NECTIN2: variants seen among roughly 807,000 people sequenced by gnomAD.
The protein encoded by NECTIN2 is nectin-2.
A neutral mutation model predicts 56.9 loss-of-function variants in NECTIN2; 23 were observed. That is an observed-to-expected ratio of 0.40 (90% confidence interval 0.29 to 0.57). The LOEUF (loss-of-function observed/expected upper bound fraction) is 0.57, where lower values mean the gene tolerates loss of function less well. Ranked by LOEUF, NECTIN2 falls within the 20% of genes least tolerant of loss-of-function variation. The pLI is 0.38. For missense variants in NECTIN2, 587 were observed against 718.3 expected (o/e 0.82, Z 2.09); for synonymous variants, 302 against 313.8 (o/e 0.96, Z 0.40).
In NECTIN2 at chr19:44,883,065, GCCA is replaced by G. The variant is rs557185854; in HGVS notation, c.1196+705_1196+707del. Among the ~76,000 whole-genome samples the G allele has an allele frequency of 5.6e-3, 850 of 152,272 alleles. 30 individuals are homozygous for G. Among genetic ancestry groups the G allele is most frequent in the Admixed American group, 0.049 (746 of 15,288 alleles). On this transcript the variant is annotated intron_variant, in intron 6 of 8. Transcript: ENST00000252483. Reference sequence around the variant, plus strand: ...AAAAGTGCTGGGATTACAGGCGTGAGCCACCATGGCTGGCCAGTTGTTAATAAA... The same window carrying G: ...AAAAGTGCTGGGATTACAGGCGTGAGCCATGGCTGGCCAGTTGTTAATAAA...
chr19:44,878,491 T>TGAG (rs558397688), intron 5 of NECTIN2: 180 of 1,611,154 alleles, frequency 1.1e-4, no homozygotes, highest in Admixed American at 4.9e-4. Flanking sequence ...ATGGCAAGGA[T>TGAG]GAGGAGGAGG....
In NECTIN2 at chr19:44,874,738, C is replaced by G; in HGVS notation, c.1042+260C>G. 2.1e-6 allele frequency: 1 copy of G among 477,612 alleles called. No homozygotes were observed. Among genetic ancestry groups the G allele is most frequent in the Non-Finnish European group, 3.8e-6 (1 of 259,990 alleles). The allele number at this position is 477,612 out of a possible 1,614,324, so 29.6% of individuals were successfully genotyped here. On this transcript the variant is annotated intron_variant, in intron 5 of 8. Transcript: ENST00000252483. The surrounding 1 kb of genome is among the most constrained non-coding windows in gnomAD (Gnocchi z 6.3). Reference sequence around the variant, plus strand: ...CTCGGGGTTCCTAGAAAGTAGAGGCCTGGGTAGGGTCCTCACGAATAGACC... The same window carrying G: ...CTCGGGGTTCCTAGAAAGTAGAGGCGTGGGTAGGGTCCTCACGAATAGACC...
At position 44,865,370 on chromosome 19, in the gene NECTIN2, T is replaced by C; in HGVS notation, c.188T>C (p.Leu63Pro). The change falls in exon 2 of 9, where the codon CTG becomes CCG. Residue 63 changes from leucine to proline, a missense_variant. Leu to Pro is a moderately conservative substitution (Grantham distance 98). Coordinates refer to ENST00000252483, the MANE Select transcript of NECTIN2 (RefSeq NM_001042724.2). This position sits in a 1 kb window ranked among gnomAD's most constrained non-coding sequence, Gnocchi z 5.2. The stretch of plus-strand genomic sequence containing the variant: ...CACCTGCTGCCACCTGTTCCTGGAC[T>C]GTACATCTCCCTGGTGACCTGGCAG... ...PCHLLPPVPG[L>P]YISLVTWQRP... 1 of 1,614,182 alleles carries C rather than the reference T, an allele frequency of 6.2e-7. No homozygotes were observed. Among genetic ancestry groups the C allele is most frequent in the Non-Finnish European group, 8.5e-7 (1 of 1,180,042 alleles).
At chr19:44,864,883 C>G (rs1969079032) in intron 1 of NECTIN2, among the ~76,000 whole-genome samples, 1 of 151,990 alleles carries the variant, frequency 6.6e-6, no homozygotes, top group African/African-American at 2.4e-5. Context: ...CCTAGACCCA[C>G]TTGACAATGG....
chr19:44,846,751 C>T (rs1429080198), intron 1 of NECTIN2, 138 bp downstream of exon 1: 1 of 983,682 alleles, frequency 1.0e-6, no homozygotes, highest in South Asian at 1.7e-5. Flanking sequence ...CTGGCTGGCC[C>T]CACAGACTCC....
intron 1 of NECTIN2, among the ~76,000 whole-genome samples, chr19:44,857,598 C>T (rs187098526): frequency 1.3e-5 from 2 of 152,156 alleles, no homozygotes; most frequent in African/African-American, 2.4e-5. Flanking sequence ...GATGGGATTT[C>T]GCCATGCTGG....
Position 44,880,216 on chromosome 19 carries a change from C to T in NECTIN2, c.1043-1995C>T, listed in dbSNP as rs902659017. 2.7e-5 allele frequency among the ~76,000 whole-genome samples: 4 copies of T among 146,890 alleles called. No homozygotes were observed. The South Asian group carries it at 7.2e-4, about 26-fold the overall frequency. ...CACCCGGACAACCGGAGGGCAGGGG[C>T]GGGGAATTGGGTCCGCCTGGCACAC... On this transcript the variant is annotated intron_variant, in intron 5 of 8. Transcript: ENST00000252483.
intron 1 of NECTIN2, among the ~76,000 whole-genome samples, chr19:44,857,631 A>C (rs1968980949): frequency 6.6e-6 from 1 of 150,452 alleles, no homozygotes. Context: ...CGAACTCCTG[A>C]CCTCAGGTGA....
intron 3 of NECTIN2, 120 bp downstream of exon 3, chr19:44,872,269 CT>C: frequency 9.7e-7 from 1 of 1,036,052 alleles, no homozygotes; most frequent in Non-Finnish European, 1.4e-6. Flanking sequence ...AAATTCTGCA[CT>C]ACCTTCCTGC....
At position 44,876,426 on chromosome 19, in the gene NECTIN2, C is replaced by T. The variant is rs113442933; in HGVS notation, c.1042+1948C>T. ...CGCTGTGGAAAGACACCCCCACCTA[C>T]CCACGACAGTGGCCACAGGGCCACC... On this transcript the variant is annotated intron_variant, in intron 5 of 8. Coordinates refer to ENST00000252483, the MANE Select transcript of NECTIN2 (RefSeq NM_001042724.2). 1.8e-3 allele frequency among the ~76,000 whole-genome samples: 273 copies of T among 152,294 alleles called. 1 individual carries two copies. Among genetic ancestry groups the T allele is most frequent in the African/African-American group, 6.3e-3 (262 of 41,540 alleles).
chr19:44,869,936 ACT>A (rs1969152896), intron 2 of NECTIN2, among the ~76,000 whole-genome samples: 2 of 151,956 alleles, frequency 1.3e-5, no homozygotes, highest in East Asian at 1.9e-4. Flanking sequence ...TGACAGCAAG[ACT>A]CTGTCTCAAA....
In NECTIN2 at chr19:44,863,054, C is replaced by T. The variant is rs960622841; in HGVS notation, c.89-2217C>T. Among the ~76,000 whole-genome samples, 46 of 150,750 alleles carry T rather than the reference C, an allele frequency of 3.1e-4. 1 individual carries two copies. Among genetic ancestry groups the T allele is most frequent in the African/African-American group, 1.1e-3 (46 of 40,902 alleles). ...GTGTGCGCCTGTAATCCCAGCTACT[C>T]GGGAGGCTGAGGCAGGAGAATTGCT... On this transcript the variant is annotated intron_variant, in intron 1 of 8. Transcript: ENST00000252483.
At chr19:44,882,690 CAAAAAAAAAA>C (rs35741405) in intron 6 of NECTIN2, among the ~76,000 whole-genome samples, 17 of 38,316 alleles carry the variant, frequency 4.4e-4, no homozygotes, top group Non-Finnish European at 7.7e-4. Flanking sequence ...CCCCCATCTA[CAAAAAAAAAA>C]AAAAAAAAAA....
At chr19:44,885,592 G>A (rs1051085339) in intron 6 of NECTIN2, among the ~76,000 whole-genome samples, 1 of 152,286 alleles carries the variant, frequency 6.6e-6, no homozygotes, top group Admixed American at 6.5e-5. Flanking sequence ...GATTACAGGC[G>A]TGAGCCACTG....
intron 1 of NECTIN2, among the ~76,000 whole-genome samples, chr19:44,862,801 T>C (rs1969048484): frequency 1.3e-5 from 2 of 150,708 alleles, no homozygotes; most frequent in South Asian, 4.2e-4. Flanking sequence ...GATCACGAGG[T>C]CAGGCGTTCG....
chr19:44,874,808 C>G lies in NECTIN2; in HGVS notation c.1042+330C>G. The G allele has an allele frequency of 3.9e-6, 1 of 254,206 alleles. No homozygotes were observed. Among genetic ancestry groups the G allele is most frequent in the Non-Finnish European group, 7.9e-6 (1 of 127,054 alleles). 15.7% of individuals were successfully genotyped at this position (254,206 alleles called of 1,614,324 possible). ...TCCAGCTCCTGAGAAAGACGCACACCTAGAGTCAGGCATGCAAACTTCAAA... is the reference window on the plus strand; with the variant it reads ...TCCAGCTCCTGAGAAAGACGCACACGTAGAGTCAGGCATGCAAACTTCAAA... On this transcript the variant is annotated intron_variant, in intron 5 of 8. Transcript: ENST00000252483. The surrounding 1 kb of genome is among the most constrained non-coding windows in gnomAD (Gnocchi z 6.3).
chr19:44,880,445 CTCGCTTCTCGACCCCTTTTCCTGTCTTG>C (rs1969295287), intron 5 of NECTIN2, among the ~76,000 whole-genome samples: 2 of 142,896 alleles, frequency 1.4e-5, no homozygotes, highest in African/African-American at 5.3e-5. Context: ...AAACAGGCTT[CTCGCTTCTCGACCCCTTTTCCTGTCTTG>C]CCTTTTTTTT....
intron 1 of NECTIN2, among the ~76,000 whole-genome samples, chr19:44,860,819 G>C (rs992180169): frequency 3.3e-5 from 5 of 151,770 alleles, no homozygotes; most frequent in Non-Finnish European, 7.4e-5. Flanking sequence ...TCAAACTCCT[G>C]ACCTCAAGTG....
chr19:44,884,107 A>G (rs544415109), intron 6 of NECTIN2, among the ~76,000 whole-genome samples: 7 of 138,398 alleles, frequency 5.1e-5, no homozygotes, highest in African/African-American at 1.3e-4. Flanking sequence ...GAGACCTTGT[A>G]AAAAAAAAAA....
Sources: gnomAD v4.1 joint callset for allele counts (sites outside exome capture counted in the v4.1 genomes callset) on GRCh38, gnomAD v4.1.1 for gene constraint, Gnocchi (gnomAD v3.1) non-coding constraint, MANE v1.5 for transcripts, NCBI Gene and HGNC (gene_info 2026-07-23, HGNC 2026-07-21) for gene names.